GRAMD4: variants seen among roughly 807,000 people sequenced by gnomAD.
The protein encoded by GRAMD4 is GRAM domain containing 4, also known as GRAM domain-containing protein 4.
A neutral mutation model predicts 83.9 loss-of-function variants in GRAMD4; 25 were observed. That is an observed-to-expected ratio of 0.30 (90% CI 0.22 to 0.42). The LOEUF (loss-of-function observed/expected upper bound fraction) is 0.42. Ranked by LOEUF, GRAMD4 falls within the 10% of genes least tolerant of loss-of-function variation. The pLI is 1.00. For synonymous variants in GRAMD4, 336 were observed against 320.9 expected, an observed-to-expected ratio of 1.05 and a Z score of -0.50; for missense variants, 593 against 788.7, an observed-to-expected ratio of 0.75 and a Z score of 2.97.
At chr22:46,637,476 C>T (rs147499834) in intron 2 of GRAMD4, among the ~76,000 whole-genome samples, 2 of 152,114 alleles carry the variant, frequency 1.3e-5, no homozygotes, top group Non-Finnish European at 2.9e-5. Context: ...CTCCTGACCT[C>T]GATCCACCTG....
chr22:46,623,232 A>G (rs1317795275), intron 1 of GRAMD4, among the ~76,000 whole-genome samples: 9 of 151,882 alleles, frequency 5.9e-5, no homozygotes, highest in Admixed American at 3.9e-4. Flanking sequence ...GTCTTGATGG[A>G]TGGTGTGTGA....
intron 16 of GRAMD4, 139 bp downstream of exon 16, chr22:46,674,889 G>A (rs1178334071): frequency 8.9e-6 from 6 of 676,668 alleles, no homozygotes; most frequent in African/African-American, 3.5e-5. Flanking sequence ...TGCTCTTGCC[G>A]GCTGTCTGGG....
Position 46,663,069 on chromosome 22 carries a change from C to A in GRAMD4, c.496C>A (p.Leu166Met). The A allele has an allele frequency of 6.2e-7, 1 of 1,612,184 alleles. No individual in the cohort carries two copies. Among genetic ancestry groups the A allele is most frequent in the Non-Finnish European group, 8.5e-7 (1 of 1,179,466 alleles). The change falls in exon 6 of 19, where the codon CTG becomes ATG. Residue 166 changes from leucine to methionine, a missense_variant. Physicochemically the swap from Leu to Met is conservative, Grantham distance 15. Around this residue, in one of 4 missense-constraint regions of GRAMD4, gnomAD observed 312 missense variants for 350.7 expected, o/e 0.89. Coordinates refer to ENST00000406902, the MANE Select transcript of GRAMD4 (RefSeq NM_015124.5). ...ERRSQGLSSRLQKWFYERFGE... is the reference protein window; with the variant it reads ...ERRSQGLSSRMQKWFYERFGE... Reference sequence around the variant, plus strand: ...CCGGAGCCAGGGGCTGTCCTCGCGCCTGCAGAAGTGGTTCTACGAGCGGTT... The same window carrying A: ...CCGGAGCCAGGGGCTGTCCTCGCGCATGCAGAAGTGGTTCTACGAGCGGTT...
upstream of GRAMD4, among the ~76,000 whole-genome samples, chr22:46,576,907 A>C (rs1491001304): frequency 6.9e-6 from 1 of 145,548 alleles, no homozygotes; most frequent in Non-Finnish European, 1.5e-5. Context: ...TGGCCACCCA[A>C]ACAAAGGCCG....
chr22:46,652,386 C>T (rs1396203260), intron 3 of GRAMD4, among the ~76,000 whole-genome samples: 1 of 152,214 alleles, frequency 6.6e-6, no homozygotes, highest in Non-Finnish European at 1.5e-5. Context: ...GCAGAAGGAA[C>T]AGCCCTGCCC....
intron 1 of GRAMD4, among the ~76,000 whole-genome samples, chr22:46,588,819 C>T (rs1044828470): frequency 7.2e-5 from 8 of 110,596 alleles, no homozygotes; most frequent in African/African-American, 4.4e-4. Context: ...TGGATGTGGC[C>T]CAGGCTGGGC....
chr22:46,665,545 A>G, intron 8 of GRAMD4, 70 bp from the exon 9 acceptor site: 2 of 802,562 alleles, frequency 2.5e-6, no homozygotes, highest in Non-Finnish European at 2.1e-6. Flanking sequence ...TGGTGGGGGG[A>G]GGCGGGAGGG....
At chr22:46,599,195 C>A (rs531258743) in intron 1 of GRAMD4, among the ~76,000 whole-genome samples, 6 of 151,788 alleles carry the variant, frequency 4.0e-5, no homozygotes, top group African/African-American at 1.2e-4. Context: ...TGCTGTTGAG[C>A]CACCCTGGGC....
Position 46,672,302 on chromosome 22 carries a change from T to TG in GRAMD4, c.1085-540dup, listed in dbSNP as rs201079504. Among the ~76,000 whole-genome samples, 701 of 150,794 alleles carry TG rather than the reference T, an allele frequency of 4.6e-3. 5 individuals carry two copies. Among genetic ancestry groups the TG allele is most frequent in the African/African-American group, 0.016 (643 of 40,994 alleles). ...AAAACGGAGCTGGTGGAGGGGAACT[T>TG]GCGAGGGCGTGGCTGGGAGCCGTCT... On this transcript the variant is annotated intron_variant, in intron 13 of 18. Transcript: ENST00000406902. This position sits in a 1 kb window ranked among gnomAD's most constrained non-coding sequence, Gnocchi z 4.7.
chr22:46,641,913 T>C (rs1050214843), intron 3 of GRAMD4, among the ~76,000 whole-genome samples: 3 of 152,232 alleles, frequency 2.0e-5, no homozygotes, highest in Non-Finnish European at 2.9e-5. Context: ...AGGGGCAGGG[T>C]GCATGGTTGG....
intron 1 of GRAMD4, among the ~76,000 whole-genome samples, chr22:46,596,936 C>T (rs2081267253): frequency 6.6e-6 from 1 of 152,194 alleles, no homozygotes; most frequent in Admixed American, 6.6e-5. Flanking sequence ...CTTTGCAGAG[C>T]TTGGATGGCT....
intron 3 of GRAMD4, among the ~76,000 whole-genome samples, chr22:46,641,839 C>G (rs986192056): frequency 3.3e-5 from 5 of 152,274 alleles, no homozygotes; most frequent in African/African-American, 1.2e-4. Flanking sequence ...TTAGCCGACA[C>G]ATTTCCGAAA....
At chr22:46,643,135 GCATCCTTCCATCCATCCATCCATCCATC>G (rs2082004771) in intron 3 of GRAMD4, among the ~76,000 whole-genome samples, 1 of 7,992 alleles carries the variant, frequency 1.3e-4, no homozygotes. Context: ...ATCCATCCAT[GCATCCTTCCATCCATCCATCCATCCATC>G]CATCCATCCA....
At chr22:46,582,933 T>C (rs1030252464) in intron 1 of GRAMD4, among the ~76,000 whole-genome samples, 5 of 152,156 alleles carry the variant, frequency 3.3e-5, no homozygotes, top group African/African-American at 9.7e-5. Flanking sequence ...TCTCTCTCTT[T>C]TGTCTTTTGA....
intron 1 of GRAMD4, among the ~76,000 whole-genome samples, chr22:46,605,102 T>G (rs2081352665): frequency 6.9e-6 from 1 of 145,848 alleles, no homozygotes; most frequent in Non-Finnish European, 1.5e-5. Context: ...GGTGCCATAA[T>G]GTTCTCTGGG....
chr22:46,578,571 G>C (rs766083908), intron 1 of GRAMD4, among the ~76,000 whole-genome samples: 5 of 152,210 alleles, frequency 3.3e-5, no homozygotes, highest in Non-Finnish European at 7.3e-5. Context: ...GGGCGCTGTG[G>C]CTGAGCCTGA....
chr22:46,676,649 C>T lies in GRAMD4; in HGVS notation c.1613C>T (p.Ser538Leu), dbSNP rs9627529. 2.6e-6 allele frequency: 4 copies of T among 1,548,772 alleles called. No homozygotes were observed. The highest frequency in any genetic ancestry group is 2.4e-5 in the East Asian group (1 of 40,910). Residue 538 changes from serine (S) to leucine (L), a missense_variant, in exon 18 of 19, where the codon TCG becomes TTG. Around this residue, in one of 4 missense-constraint regions of GRAMD4, gnomAD observed 74 missense variants for 152.7 expected, o/e 0.48. Coordinates refer to ENST00000406902, the MANE Select transcript of GRAMD4 (RefSeq NM_015124.5). ...LPGSGMGIAV[S>L]TPSTQKPLVF... is the part of the protein sequence containing the mutation. ...GGCTCAGGCATGGGGATTGCCGTGTCGACGCCATCCACCCAGAAAGTAGGT... is the reference window on the plus strand; with the variant it reads ...GGCTCAGGCATGGGGATTGCCGTGTTGACGCCATCCACCCAGAAAGTAGGT...
At chr22:46,664,460 T>TGG (rs1330944314) in intron 8 of GRAMD4, among the ~76,000 whole-genome samples, 3 of 144,600 alleles carry the variant, frequency 2.1e-5, no homozygotes, top group African/African-American at 8.0e-5. Context: ...GTCCACAGAG[T>TGG]ACCTGGTGCT....
At chr22:46,591,310 G>T (rs2081205366) in intron 1 of GRAMD4, among the ~76,000 whole-genome samples, 3 of 152,072 alleles carry the variant, frequency 2.0e-5, no homozygotes, top group South Asian at 4.2e-4. Flanking sequence ...GTGAGCTCAG[G>T]AGTTTGAGAA....
Sources: gnomAD v4.1 joint callset for allele counts (sites outside exome capture counted in the v4.1 genomes callset) on GRCh38, gnomAD v4.1.1 for gene constraint, gnomAD v4.1.1 regional missense constraint, Gnocchi (gnomAD v3.1) non-coding constraint, MANE v1.5 for transcripts, NCBI Gene and HGNC (gene_info 2026-07-23, HGNC 2026-07-21) for gene names.